SLC36A1: variants seen among roughly 807,000 people sequenced by gnomAD.
SLC36A1 encodes proton-coupled amino acid transporter 1.
In SLC36A1, 30 loss-of-function variants were observed where a neutral mutation model predicts 47.5. The observed-to-expected ratio is 0.63, with a 90% confidence interval of 0.47 to 0.86. The LOEUF is 0.86. Among genes scored for constraint, SLC36A1 ranks in the 40% least tolerant of loss-of-function variants. SLC36A1 has a pLI of 0.00. For synonymous variants in SLC36A1, 255 were observed against 249.7 expected, an observed-to-expected ratio of 1.02 and a Z score of -0.20; for missense variants, 517 against 606.0, an observed-to-expected ratio of 0.85 and a Z score of 1.54.
chr5:151,485,632 C>T (rs1192980099), intron 10 of SLC36A1, among the ~76,000 whole-genome samples: 3 of 152,218 alleles, frequency 2.0e-5, no homozygotes, highest in Non-Finnish European at 4.4e-5. Flanking sequence ...CTGGTCCCAG[C>T]TCTGTTGCTT....
intron 9 of SLC36A1, chr5:151,477,494 G>T (rs757727263): frequency 4.6e-5 from 7 of 152,326 alleles, no homozygotes; most frequent in African/African-American, 1.7e-4. Flanking sequence ...GGGCTTTCCC[G>T]TTCAAGTACG....
the SLC36A1 span, among the ~76,000 whole-genome samples, chr5:151,391,190 C>G: frequency 6.6e-6 from 1 of 151,956 alleles, no homozygotes; most frequent in Admixed American, 6.6e-5. Context: ...GGAGTTCACT[C>G]ATGATTTGGC....
chr5:151,451,369 A>T (rs1753641030), intron 1 of SLC36A1, among the ~76,000 whole-genome samples: 1 of 152,104 alleles, frequency 6.6e-6, no homozygotes, highest in South Asian at 2.1e-4. Context: ...CTAGTCCTTA[A>T]TGACCATCTC....
chr5:151,488,102 G>A lies in SLC36A1; in HGVS notation c.1279G>A (p.Glu427Lys). 1 of 1,614,188 alleles carries A rather than the reference G, an allele frequency of 6.2e-7. No homozygotes were observed. The highest frequency in any genetic ancestry group is 8.5e-7 in the Non-Finnish European group (1 of 1,180,030). Residue 427 changes from glutamate (E) to lysine (K), a missense_variant, in exon 11 of 11, where the codon GAG (glutamate) becomes AAG (lysine). Coordinates refer to ENST00000243389, the MANE Select transcript of SLC36A1 (RefSeq NM_078483.4). ...PLLEVTTFYS[E>K]GMSPLTIFKD... The stretch of plus-strand genomic sequence containing the variant: ...CCTGGAGGTCACCACCTTCTACTCA[G>A]AGGGCATGAGCCCCCTCACCATCTT...
the SLC36A1 span, among the ~76,000 whole-genome samples, chr5:151,358,980 C>CAAAA: frequency 1.1e-4 from 5 of 46,244 alleles, no homozygotes; most frequent in African/African-American, 3.2e-4. Context: ...GACTCCGTCT[C>CAAAA]AAAAAAAAAA....
At chr5:151,530,312 C>A in the SLC36A1 span, among the ~76,000 whole-genome samples, 1 of 151,022 alleles carries the variant, frequency 6.6e-6, no homozygotes, top group African/African-American at 2.4e-5. Context: ...AACAGCATAG[C>A]ATCATCTGTG....
chr5:151,495,395 G>A (rs1760309979), downstream of SLC36A1, among the ~76,000 whole-genome samples: 1 of 152,122 alleles, frequency 6.6e-6, no homozygotes, highest in Non-Finnish European at 1.5e-5. Flanking sequence ...GGGAGGTCCA[G>A]GTCCAGAGCA....
At chr5:151,380,280 T>G in the SLC36A1 span, 2 of 248,440 alleles carry the variant, frequency 8.1e-6, no homozygotes, top group Non-Finnish European at 1.6e-5. Context: ...AGGTCCGGAG[T>G]TCGAGACCAG....
chr5:151,385,037 T>TGTGTGTGTGTGTGTGTGAGA, the SLC36A1 span, among the ~76,000 whole-genome samples: 2 of 142,110 alleles, frequency 1.4e-5, no homozygotes, highest in African/African-American at 5.6e-5. Flanking sequence ...TGTGTGTGTG[T>TGTGTGTGTGTGTGTGTGAGA]GAGAGAGAGA....
the SLC36A1 span, chr5:151,545,796 G>T: frequency 4.3e-6 from 7 of 1,614,200 alleles, no homozygotes; most frequent in Non-Finnish European, 5.9e-6. Flanking sequence ...TTTTATCCAT[G>T]ATCATGCTAT....
At chr5:151,438,600 G>A (rs1210459437) in intron 1 of SLC36A1, among the ~76,000 whole-genome samples, 1 of 152,200 alleles carries the variant, frequency 6.6e-6, no homozygotes, top group Admixed American at 6.5e-5. Context: ...AAGAAGAGGA[G>A]TGTACTTGGG....
At chr5:151,418,801 G>A in the SLC36A1 span, among the ~76,000 whole-genome samples, 2 of 152,164 alleles carry the variant, frequency 1.3e-5, no homozygotes, top group Admixed American at 6.5e-5. Flanking sequence ...AATGTGAAAG[G>A]GACATGAAAT....
the SLC36A1 span, chr5:151,525,880 C>T: frequency 1.1e-5 from 17 of 1,614,116 alleles, no homozygotes; most frequent in African/African-American, 5.3e-5. Context: ...CTTGGTGATT[C>T]GAAACGAGTA....
At chr5:151,512,405 T>C in the SLC36A1 span, 1 of 1,614,206 alleles carries the variant, frequency 6.2e-7, no homozygotes, top group Non-Finnish European at 8.5e-7. This position sits in a 1 kb window ranked among gnomAD's most constrained non-coding sequence, Gnocchi z 4.1. Context: ...AAGAGGTGCC[T>C]TTCGGGCCTC....
the SLC36A1 span, chr5:151,505,531 G>C: frequency 1.2e-6 from 2 of 1,612,438 alleles, no homozygotes; most frequent in East Asian, 4.5e-5. Context: ...TCCAGTCCTT[G>C]GCCTCCCGCC....
chr5:151,483,612 T>G (rs1022118365), intron 10 of SLC36A1, among the ~76,000 whole-genome samples: 2 of 152,096 alleles, frequency 1.3e-5, no homozygotes, highest in African/African-American at 4.8e-5. Flanking sequence ...CATAGGCACT[T>G]TAACTCACAG....
At chr5:151,511,855 A>G in the SLC36A1 span, 1 of 325,504 alleles carries the variant, frequency 3.1e-6, no homozygotes, top group South Asian at 7.2e-5. Context: ...GGGAATGAGA[A>G]GGAGACTGTG....
At chr5:151,388,067 GAGAACCCCCTTCCC>G in the SLC36A1 span, among the ~76,000 whole-genome samples, 2 of 152,194 alleles carry the variant, frequency 1.3e-5, no homozygotes, top group Non-Finnish European at 2.9e-5. Flanking sequence ...ACATTCTGTA[GAGAACCCCCTTCCC>G]TTTCTAGGCC....
At chr5:151,432,995 A>G (rs970187569), upstream of SLC36A1, among the ~76,000 whole-genome samples, 3 of 151,790 alleles carry the variant, frequency 2.0e-5, no homozygotes, top group African/African-American at 7.3e-5. Flanking sequence ...TTCTGACCTA[A>G]AGAAATGGTG....
Sources: allele counts gnomAD v4.1 joint callset (sites outside exome capture counted in the v4.1 genomes callset), GRCh38; gene constraint gnomAD v4.1.1; non-coding constraint Gnocchi (gnomAD v3.1); transcripts MANE v1.5; gene names NCBI Gene and HGNC (gene_info 2026-07-23, HGNC 2026-07-21).